Variants in USH1C observed in about 807,000 individuals in gnomAD.
USH1C encodes the protein harmonin.
A neutral mutation model predicts 119.3 loss-of-function variants in USH1C; 90 were observed. The ratio of observed to expected loss-of-function variants is 0.75; its 90% confidence interval spans 0.64 to 0.90. The LOEUF is 0.90. Among genes scored for constraint, USH1C ranks in the 40% least tolerant of loss-of-function variants. The probability of loss-of-function intolerance (pLI) is 0.00; values close to 1 mark genes in which losing one functional copy is unlikely to be tolerated. For missense variants in USH1C, 1,165 were observed against 1,167.7 expected (o/e 1.00, Z 0.03); for synonymous variants, 465 against 443.3 (o/e 1.05, Z -0.62).
In USH1C at chr11:17,520,989, A is replaced by G. The variant is rs1850386348; in HGVS notation, c.1091T>C (p.Val364Ala). 3 of 1,613,874 alleles carry G rather than the reference A, an allele frequency of 1.9e-6. No homozygotes were observed. The highest frequency in any genetic ancestry group is 2.5e-6 in the Non-Finnish European group (3 of 1,179,942). The change falls in exon 14 of 27, where the codon GTA (valine) becomes GCA (alanine). Residue 364 changes from valine to alanine, a missense_variant. Physicochemically the swap from Val to Ala is moderately conservative, Grantham distance 64. Coordinates refer to ENST00000005226, the MANE Select transcript of USH1C (RefSeq NM_153676.4). ...ERYRKEMEQI[V>A]EEEEKFKKQW... ...CTTCTTAAACTTCTCTTCCTCCTCTACAATCCTAAAATGAGACCCCCATGC... is the reference window on the plus strand; with the variant it reads ...CTTCTTAAACTTCTCTTCCTCCTCTGCAATCCTAAAATGAGACCCCCATGC...
At chr11:17,504,504 GACA>G (rs1350061100) in intron 20 of USH1C, 140 bp downstream of exon 20, 5 of 896,034 alleles carry the variant, frequency 5.6e-6, no homozygotes, top group Non-Finnish European at 9.2e-6. Context: ...GGCAATGGAG[GACA>G]CAGCTCTGGC....
Position 17,531,538 on chromosome 11 carries a change from T to C in USH1C, c.109A>G (p.Met37Val), listed in dbSNP as rs952524725. The C allele has an allele frequency of 6.2e-7, 1 of 1,613,184 alleles. No homozygotes were observed. The highest frequency in any genetic ancestry group is 8.5e-7 in the Non-Finnish European group (1 of 1,180,016). ...YDVLRMYHQT[M>V]DVAVLVGDLK... The stretch of plus-strand genomic sequence containing the variant: ...TCTCCCACGAGCACGGCCACGTCCA[T>C]GGTCCTGTGGAGATGCCGGGAATGC... The change falls in exon 3 of 27, where the codon ATG becomes GTG. Residue 37 changes from methionine (M) to valine (V), a missense_variant. Met to Val is a conservative substitution (Grantham distance 21). Coordinates refer to ENST00000005226, the MANE Select transcript of USH1C (RefSeq NM_153676.4). This position sits in a 1 kb window ranked among gnomAD's most constrained non-coding sequence, Gnocchi z 4.2.
Position 17,526,746 on chromosome 11 carries a change from C to T in USH1C, c.579+7G>A. 1 of 1,613,898 alleles carries T rather than the reference C, an allele frequency of 6.2e-7. No individual in the cohort carries two copies. Among genetic ancestry groups the T allele is most frequent in the Non-Finnish European group, 8.5e-7 (1 of 1,179,808 alleles). ...CCAAACCCCATCACAGGAGGTCTGG[C>T]CCTTACCCCAGATTCCGACACAAAC... On this transcript the variant is annotated splice_region_variant and intron_variant, in intron 7 of 26. Transcript: ENST00000005226.
chr11:17,526,299 C>G (rs747691157), intron 8 of USH1C, 48 bp downstream of exon 8: 5 of 1,518,998 alleles, frequency 3.3e-6, no homozygotes, highest in African/African-American at 1.4e-5. Context: ...TAGGGGCCTG[C>G]TGGGGTGCAC....
At chr11:17,507,163 C>G (rs1400843465) in intron 18 of USH1C, among the ~76,000 whole-genome samples, 1 of 152,188 alleles carries the variant, frequency 6.6e-6, no homozygotes, top group African/African-American at 2.4e-5. Flanking sequence ...CTTCCTGCTG[C>G]AGCACTGATG....
chr11:17,512,005 C>A lies in USH1C; in HGVS notation c.1310G>T (p.Arg437Ile), dbSNP rs1454661682. The A allele has an allele frequency of 3.1e-6, 5 of 1,614,110 alleles. No homozygotes were observed. In the African/African-American group the frequency reaches 6.7e-5, roughly 22 times the overall value. The change falls in exon 16 of 27, where the codon AGA (arginine) becomes ATA (isoleucine). Residue 437 changes from arginine (R) to isoleucine (I), a missense_variant. By Grantham distance (97) the Arg-to-Ile change is moderately conservative. Coordinates refer to ENST00000005226, the MANE Select transcript of USH1C (RefSeq NM_153676.4). ...KAKYGSLQDL[R>I]KNKKELEFEQ... ...AAACTCCAGTTCTTTCTTATTCTTT[C>A]TCAAGTCCTGCAGGCTGCCATACTT... is the stretch of plus-strand genomic sequence containing the variant.
At chr11:17,516,814 G>T (rs1850169303) in intron 14 of USH1C, among the ~76,000 whole-genome samples, 1 of 152,200 alleles carries the variant, frequency 6.6e-6, no homozygotes, top group Non-Finnish European at 1.5e-5. Context: ...CAAAGAGAAG[G>T]CAGTGGCTGG....
intron 1 of USH1C, among the ~76,000 whole-genome samples, chr11:17,534,772 G>A (rs958651102): frequency 4.6e-5 from 7 of 151,880 alleles, no homozygotes; most frequent in African/African-American, 1.7e-4. Context: ...TACTTAGGAG[G>A]CTGAGGCAGG....
intron 14 of USH1C, chr11:17,516,606 G>A: frequency 2.4e-6 from 1 of 413,874 alleles, no homozygotes; most frequent in Non-Finnish European, 4.6e-6. Flanking sequence ...GTGGAAGGAT[G>A]AGCTTTTCCA....
intron 15 of USH1C, 82 bp from the exon 16 acceptor site, chr11:17,512,136 A>G (rs1003444317): frequency 2.7e-6 from 4 of 1,478,188 alleles, no homozygotes; most frequent in African/African-American, 1.4e-5. Context: ...CAGTCCTCAC[A>G]TAACACAACC....
At chr11:17,526,513 C>G in intron 7 of USH1C, 72 bp from the exon 8 acceptor site, 2 of 1,391,808 alleles carry the variant, frequency 1.4e-6, no homozygotes, top group Admixed American at 1.8e-5. Flanking sequence ...CTTGTGGGAT[C>G]TGCAGGGCGA....
intron 24 of USH1C, among the ~76,000 whole-genome samples, chr11:17,497,373 C>T (rs1030861739): frequency 6.6e-6 from 1 of 152,132 alleles, no homozygotes; most frequent in African/African-American, 2.4e-5. Context: ...TGAGCTGGTT[C>T]CTAATATTGA....
chr11:17,501,458 AC>A, intron 22 of USH1C, 23 bp downstream of exon 22: 2 of 1,609,848 alleles, frequency 1.2e-6, no homozygotes, highest in Non-Finnish European at 1.7e-6. Flanking sequence ...ATGGCGGCCC[AC>A]CGGCCTCCAC....
intron 18 of USH1C, among the ~76,000 whole-genome samples, chr11:17,506,813 C>T (rs190112309): frequency 9.8e-5 from 15 of 152,342 alleles, no homozygotes; most frequent in East Asian, 3.9e-4. Flanking sequence ...TCCGTCTCCA[C>T]GCTGATGGTG....
chr11:17,530,533 C>T (rs1248035069), intron 4 of USH1C, among the ~76,000 whole-genome samples: 2 of 152,238 alleles, frequency 1.3e-5, no homozygotes, highest in Non-Finnish European at 2.9e-5. Flanking sequence ...CTTAAATCTC[C>T]CTCTCTCTGT....
At chr11:17,538,285 A>C (rs1851309909) in intron 1 of USH1C, among the ~76,000 whole-genome samples, 1 of 152,180 alleles carries the variant, frequency 6.6e-6, no homozygotes, top group Non-Finnish European at 1.5e-5. Context: ...AGGAGGGGAC[A>C]GGGAGCATCT....
At chr11:17,498,886 A>G (rs1849337982) in intron 23 of USH1C, among the ~76,000 whole-genome samples, 1 of 152,216 alleles carries the variant, frequency 6.6e-6, no homozygotes, top group Admixed American at 6.5e-5. Flanking sequence ...CCACGTGGGC[A>G]GGGATTGTCT....
rs377614842 is a variant in USH1C, at chr11:17,531,556, G to A, written c.105-14C>T. 2.7e-5 allele frequency: 44 copies of A among 1,612,166 alleles called. No individual in the cohort carries two copies. The highest frequency in any genetic ancestry group is 1.7e-4 in the African/African-American group (13 of 74,990). The stretch of plus-strand genomic sequence containing the variant: ...ACGTCCATGGTCCTGTGGAGATGCC[G>A]GGAATGCCTGGAGCCTCACCCCTGG... On this transcript the variant is annotated splice_polypyrimidine_tract_variant and intron_variant, in intron 2 of 26. Coordinates refer to ENST00000005226, the MANE Select transcript of USH1C (RefSeq NM_153676.4). The surrounding 1 kb of genome is among the most constrained non-coding windows in gnomAD (Gnocchi z 4.2).
At chr11:17,522,967 A>C in intron 11 of USH1C, 41 bp from the exon 12 acceptor site, 1 of 1,599,728 alleles carries the variant, frequency 6.3e-7, no homozygotes, top group Non-Finnish European at 8.5e-7. Context: ...CCCCCGGGGA[A>C]CCTGGGGATC....
Sources: gnomAD v4.1 joint callset for allele counts (sites outside exome capture counted in the v4.1 genomes callset) on GRCh38, gnomAD v4.1.1 for gene constraint, Gnocchi (gnomAD v3.1) non-coding constraint, MANE v1.5 for transcripts, NCBI Gene and HGNC (gene_info 2026-07-23, HGNC 2026-07-21) for gene names.